The following TNR variants were observed in gnomAD, a reference collection of about 807,000 sequenced individuals.
TNR encodes the protein tenascin-R.
TNR carries 45 observed loss-of-function variants against 150.4 expected under a neutral mutation model. The ratio of observed to expected loss-of-function variants is 0.30; its 90% CI spans 0.24 to 0.38. The LOEUF is 0.38. TNR is among the 10% of genes least tolerant of loss of function. The pLI, the probability that TNR is intolerant of heterozygous loss-of-function variation, is 1.00. For missense variants in TNR, 1,544 were observed against 1,759.1 expected (o/e 0.88, Z 2.19); for synonymous variants, 687 against 678.4 (o/e 1.01, Z -0.20).
chr1:175,700,131 C>T (rs1666644969), intron 1 of TNR, among the ~76,000 whole-genome samples: 1 of 150,582 alleles, frequency 6.6e-6, no homozygotes, highest in South Asian at 2.2e-4. Context: ...GATTGCCGTG[C>T]AGTCCAAGGA....
intron 2 of TNR, among the ~76,000 whole-genome samples, chr1:175,483,970 G>A (rs546904173): frequency 6.6e-6 from 1 of 152,214 alleles, no homozygotes; most frequent in Non-Finnish European, 1.5e-5. Context: ...CCCTCACATC[G>A]TGGTGCTGGC....
intron 1 of TNR, among the ~76,000 whole-genome samples, chr1:175,582,868 G>A (rs756927799): frequency 2.1e-4 from 32 of 151,950 alleles, no homozygotes; most frequent in Non-Finnish European, 4.6e-4. Flanking sequence ...TCATGGGATT[G>A]GGTTCATTAT....
At chr1:175,626,414 C>A (rs1664159640) in intron 1 of TNR, among the ~76,000 whole-genome samples, 1 of 152,150 alleles carries the variant, frequency 6.6e-6, no homozygotes, top group Non-Finnish European at 1.5e-5. Context: ...TCTGCTGCTC[C>A]CTCAGTGCTG....
intron 1 of TNR, among the ~76,000 whole-genome samples, chr1:175,704,436 G>T (rs986945081): frequency 6.6e-6 from 1 of 152,206 alleles, no homozygotes; most frequent in Non-Finnish European, 1.5e-5. Context: ...TGGGGCATCT[G>T]CCTAGAGAAG....
intron 2 of TNR, among the ~76,000 whole-genome samples, chr1:175,504,673 C>T (rs912827415): frequency 6.6e-6 from 1 of 152,126 alleles, no homozygotes; most frequent in Non-Finnish European, 1.5e-5. Context: ...GCATGGAGCC[C>T]CCGGCCTTCC....
chr1:175,550,995 A>G (rs1660915973), intron 1 of TNR, among the ~76,000 whole-genome samples: 1 of 152,194 alleles, frequency 6.6e-6, no homozygotes, highest in Non-Finnish European at 1.5e-5. Context: ...GAAAGAAAAG[A>G]TAAGAAAATT....
chr1:175,463,884 T>C (rs1656921073), intron 2 of TNR, among the ~76,000 whole-genome samples: 2 of 152,202 alleles, frequency 1.3e-5, no homozygotes, highest in African/African-American at 2.4e-5. Flanking sequence ...GAATATATGA[T>C]TCCAATGGAG....
intron 1 of TNR, among the ~76,000 whole-genome samples, chr1:175,609,664 G>A (rs1477707503): frequency 6.6e-6 from 1 of 152,168 alleles, no homozygotes; most frequent in African/African-American, 2.4e-5. Flanking sequence ...AGACCCTGGG[G>A]ACCCACCTGT....
At chr1:175,650,935 CTACCCCTCCCCATCTCAT>C (rs1472333087) in intron 1 of TNR, among the ~76,000 whole-genome samples, 1 of 82,326 alleles carries the variant, frequency 1.2e-5, no homozygotes, top group Non-Finnish European at 2.4e-5. Context: ...CACCTCATTA[CTACCCCTCCCCATCTCAT>C]TACTCCCCCC....
At chr1:175,738,331 T>A (rs963128896) in intron 1 of TNR, among the ~76,000 whole-genome samples, 1 of 152,188 alleles carries the variant, frequency 6.6e-6, no homozygotes, top group Non-Finnish European at 1.5e-5. Flanking sequence ...TGGAATATTA[T>A]TCAGCCATAA....
chr1:175,610,268 T>A (rs751022933), intron 1 of TNR, among the ~76,000 whole-genome samples: 1 of 152,200 alleles, frequency 6.6e-6, no homozygotes, highest in Non-Finnish European at 1.5e-5. Flanking sequence ...CCTCTTTTGT[T>A]CTGGGAAATG....
At chr1:175,718,079 A>G (rs1667201445) in intron 1 of TNR, among the ~76,000 whole-genome samples, 1 of 152,228 alleles carries the variant, frequency 6.6e-6, no homozygotes, top group South Asian at 2.1e-4. Flanking sequence ...CTTTTGGCGC[A>G]GCCATCGAAT....
At chr1:175,695,991 T>TGGATGGATGGAG (rs1408044753) in intron 1 of TNR, among the ~76,000 whole-genome samples, 1 of 151,654 alleles carries the variant, frequency 6.6e-6, no homozygotes, top group Non-Finnish European at 1.5e-5. Flanking sequence ...GATATATGGA[T>TGGATGGATGGAG]GGATGGATGG....
chr1:175,322,554 G>C lies in TNR; in HGVS notation c.*803C>G, dbSNP rs1345079040. On this transcript the variant is annotated 3_prime_UTR_variant, in exon 23 of 23. Coordinates refer to ENST00000367674, the MANE Select transcript of TNR (RefSeq NM_003285.3). ...GCATTTTGGGAGGCTGAGGTGGGAG[G>C]ATTGTTCAAGGCCAGGAGTTTGTGA... The C allele has an allele frequency of 6.6e-6, 1 of 152,200 alleles. No homozygotes were observed. The highest frequency in any genetic ancestry group is 1.5e-5 in the Non-Finnish European group (1 of 68,084). 9.4% of individuals were successfully genotyped at this position (152,200 alleles called of 1,614,324 possible).
At chr1:175,554,873 T>C (rs1661088687) in intron 1 of TNR, among the ~76,000 whole-genome samples, 1 of 152,222 alleles carries the variant, frequency 6.6e-6, no homozygotes, top group Non-Finnish European at 1.5e-5. Flanking sequence ...TGAGATCATC[T>C]TATTCACCCT....
At chr1:175,382,514 G>C (rs558254758) in intron 8 of TNR, among the ~76,000 whole-genome samples, 2 of 152,366 alleles carry the variant, frequency 1.3e-5, no homozygotes, top group African/African-American at 4.8e-5. Context: ...CTGCCAAGCA[G>C]CTAGGGGCTT....
At chr1:175,662,656 G>T (rs4652100) in intron 1 of TNR, among the ~76,000 whole-genome samples, 2,696 of 152,308 alleles carry the variant, frequency 0.018, 63 homozygotes, top group East Asian at 0.053. Context: ...CAAACAGAAT[G>T]GAGCTGGAGG....
intron 1 of TNR, among the ~76,000 whole-genome samples, chr1:175,590,588 A>G (rs114499808): frequency 1.9e-3 from 296 of 152,328 alleles, no homozygotes; most frequent in Middle Eastern, 6.8e-3. Flanking sequence ...ATATTTCTAT[A>G]ATAGAACTAT....
chr1:175,383,725 A>T (rs1652794838), intron 8 of TNR, among the ~76,000 whole-genome samples: 1 of 152,224 alleles, frequency 6.6e-6, no homozygotes. Flanking sequence ...CGGAGCTCTG[A>T]AATGACTGAG....
Sources: gnomAD v4.1 joint callset for allele counts (sites outside exome capture counted in the v4.1 genomes callset) on GRCh38, gnomAD v4.1.1 for gene constraint, MANE v1.5 for transcripts, NCBI Gene and HGNC (gene_info 2026-07-23, HGNC 2026-07-21) for gene names.